Variants in CLEC16A observed in about 807,000 individuals in gnomAD.
CLEC16A encodes the protein protein CLEC16A.
A neutral mutation model predicts 109.5 loss-of-function variants in CLEC16A; 51 were observed. The observed-to-expected ratio is 0.47, with a 90% confidence interval of 0.37 to 0.59. The LOEUF (loss-of-function observed/expected upper bound fraction) is 0.59. CLEC16A is among the 20% of genes least tolerant of loss of function. The pLI is 0.00. For synonymous variants in CLEC16A, 673 were observed against 564.2 expected (o/e 1.19, Z -2.73); for missense variants, 1,339 against 1,394.0 (o/e 0.96, Z 0.63).
Position 10,977,413 on chromosome 16 carries a change from C to T in CLEC16A, c.903+14C>T, listed in dbSNP as rs74163606. 248 of 1,608,636 alleles carry T rather than the reference C, an allele frequency of 1.5e-4. No homozygotes were observed. The African/African-American group carries it at 1.6e-3, about 11-fold the overall frequency. The stretch of plus-strand genomic sequence containing the variant: ...AACCAGGACAAGGTGGGTCCAGCCC[C>T]GTGGCTCCCGCTGGCTGAAGGCCAT... On this transcript the variant is annotated intron_variant, in intron 8 of 23. Transcript: ENST00000409790.
chr16:10,963,675 A>G (rs2042363052), intron 3 of CLEC16A, among the ~76,000 whole-genome samples: 1 of 152,196 alleles, frequency 6.6e-6, no homozygotes, highest in African/African-American at 2.4e-5. Flanking sequence ...GTCATCCGTA[A>G]TAACCACCCC....
At position 10,982,733 on chromosome 16, in the gene CLEC16A, G is replaced by A; in HGVS notation, c.958-145G>A. 5 of 580,610 alleles carry A rather than the reference G, an allele frequency of 8.6e-6. No homozygotes were observed. In the Admixed American group the frequency reaches 1.1e-4, roughly 13 times the overall value. The allele number at this position is 580,610 out of a possible 1,614,324, so 36.0% of individuals were successfully genotyped here. A position where few individuals can be genotyped will look rare whatever the true frequency, so the allele number is the denominator to read the frequency against. On this transcript the variant is annotated intron_variant, in intron 9 of 23. Transcript: ENST00000409790. ...GTGGAACCGAGTCCTGCTTCCTGTG[G>A]CTCATTCTTTGAATTTTGCATCGTA...
At chr16:10,982,476 T>G (rs1409633899) in intron 9 of CLEC16A, among the ~76,000 whole-genome samples, 1 of 152,208 alleles carries the variant, frequency 6.6e-6, no homozygotes, top group Non-Finnish European at 1.5e-5. Context: ...CTTGTATCAC[T>G]AAAGTATTGG....
intron 10 of CLEC16A, among the ~76,000 whole-genome samples, chr16:10,989,210 T>C (rs1321005935): frequency 9.3e-6 from 1 of 107,278 alleles, no homozygotes; most frequent in Non-Finnish European, 2.0e-5. Context: ...AATACTGTTG[T>C]CGTTGTTTTT....
intron 19 of CLEC16A, among the ~76,000 whole-genome samples, chr16:11,082,892 G>C (rs568193707): frequency 6.6e-6 from 1 of 152,318 alleles, no homozygotes; most frequent in East Asian, 1.9e-4. Flanking sequence ...TGCATCAACA[G>C]CTTCTCCATC....
rs533728889 is a variant in CLEC16A at position 11,176,651 on chromosome 16, T to C, written c.2807-1684T>C. Reference sequence around the variant, plus strand: ...TACTCAGGAGGCCGAAGCAGGAGGATCACTTGAGTCCAGAAGGTTGAGGCT... The same window carrying C: ...TACTCAGGAGGCCGAAGCAGGAGGACCACTTGAGTCCAGAAGGTTGAGGCT... On this transcript the variant is annotated intron_variant, in intron 23 of 23. Coordinates refer to ENST00000409790, the MANE Select transcript of CLEC16A (RefSeq NM_015226.3). 9.9e-5 allele frequency among the ~76,000 whole-genome samples: 15 copies of C among 152,218 alleles called. No homozygotes were observed. In the East Asian group the frequency reaches 2.9e-3, roughly 29 times the overall value.
At chr16:11,145,299 C>A (rs1406804428) in intron 22 of CLEC16A, among the ~76,000 whole-genome samples, 3 of 152,172 alleles carry the variant, frequency 2.0e-5, no homozygotes, top group Non-Finnish European at 4.4e-5. Context: ...ACCCGTGGGG[C>A]CCGATGACCC....
At chr16:10,963,063 C>CA (rs922221719) in intron 3 of CLEC16A, among the ~76,000 whole-genome samples, 35 of 149,162 alleles carry the variant, frequency 2.3e-4, no homozygotes, top group African/African-American at 5.0e-5. Flanking sequence ...TCTCCAACAA[C>CA]AACAAAAAAA....
intron 11 of CLEC16A, among the ~76,000 whole-genome samples, chr16:11,003,970 C>CAA (rs962482634): frequency 2.8e-4 from 16 of 57,882 alleles, no homozygotes; most frequent in Admixed American, 3.3e-4. Context: ...CCTGTCTCTA[C>CAA]AAAAAAAAAA....
At chr16:11,003,955 G>A (rs761438639) in intron 11 of CLEC16A, among the ~76,000 whole-genome samples, 6 of 136,758 alleles carry the variant, frequency 4.4e-5, no homozygotes, top group Non-Finnish European at 7.6e-5. Flanking sequence ...CCAACATGAC[G>A]AGATCCTGTC....
At position 11,126,204 on chromosome 16, in the gene CLEC16A, C is replaced by A. The variant is rs1160005876; in HGVS notation, c.2641+58C>A. On this transcript the variant is annotated intron_variant, in intron 22 of 23. Transcript: ENST00000409790. Reference sequence around the variant, plus strand: ...GTTCATCATGGTGGGCGTTCAAGGTCTTTCTCTCTGTGGAGCCTGTGTGAG... The same window carrying A: ...GTTCATCATGGTGGGCGTTCAAGGTATTTCTCTCTGTGGAGCCTGTGTGAG... The A allele has an allele frequency of 7.5e-6, 12 of 1,606,532 alleles. 1 individual carries two copies. The highest frequency in any genetic ancestry group is 6.7e-5 in the African/African-American group (5 of 74,702).
intron 19 of CLEC16A, among the ~76,000 whole-genome samples, chr16:11,067,189 G>GTTTT (rs71406205): frequency 8.1e-5 from 8 of 98,916 alleles, no homozygotes; most frequent in African/African-American, 1.6e-4. Context: ...GTTTGTTTTT[G>GTTTT]TTTTTTTTTT....
Position 11,033,360 on chromosome 16 carries a change from A to G in CLEC16A, c.1538-6394A>G, listed in dbSNP as rs141970275. Among the ~76,000 whole-genome samples the G allele has an allele frequency of 2.3e-3, 350 of 152,298 alleles. 2 individuals carry two copies. The highest frequency in any genetic ancestry group is 8.7e-3 in the South Asian group (42 of 4,818). ...CCTGACTCCTTTCCCTGTGTGACCA[A>G]TAGTGCCATTTCCAGAACTAACAAG... On this transcript the variant is annotated intron_variant, in intron 13 of 23. Coordinates refer to ENST00000409790, the MANE Select transcript of CLEC16A (RefSeq NM_015226.3).
chr16:11,171,736 G>A (rs2068519752), intron 23 of CLEC16A, among the ~76,000 whole-genome samples: 1 of 152,164 alleles, frequency 6.6e-6, no homozygotes, highest in Admixed American at 6.5e-5. Context: ...ATATCTTCTG[G>A]TATACCACTG....
At chr16:11,147,623 A>T (rs1323771574) in intron 22 of CLEC16A, among the ~76,000 whole-genome samples, 1 of 152,240 alleles carries the variant, frequency 6.6e-6, no homozygotes. Context: ...GCACAACTCT[A>T]TGAATACACT....
intron 22 of CLEC16A, among the ~76,000 whole-genome samples, chr16:11,128,474 C>T (rs1047490572): frequency 7.2e-5 from 11 of 152,360 alleles, no homozygotes; most frequent in East Asian, 1.9e-4. Context: ...AACAGCAAGT[C>T]AGAGGTGGCT....
At chr16:11,077,909 A>C (rs1053184925) in intron 19 of CLEC16A, among the ~76,000 whole-genome samples, 3 of 151,422 alleles carry the variant, frequency 2.0e-5, no homozygotes, top group Non-Finnish European at 4.4e-5. Flanking sequence ...ACTTGAGGCT[A>C]GGAGTTATGA....
intron 3 of CLEC16A, 149 bp from the exon 4 acceptor site, chr16:10,969,012 A>T: frequency 1.7e-6 from 1 of 602,380 alleles, no homozygotes; most frequent in East Asian, 3.0e-5. Flanking sequence ...TTTGCTGGTT[A>T]AAAGTTAAGC....
intron 11 of CLEC16A, among the ~76,000 whole-genome samples, chr16:11,004,821 G>A (rs559500187): frequency 3.3e-5 from 5 of 151,992 alleles, no homozygotes; most frequent in African/African-American, 1.2e-4. Flanking sequence ...TCTGTTTAAA[G>A]TGTGCAATAG....
Sources: allele counts gnomAD v4.1 joint callset (sites outside exome capture counted in the v4.1 genomes callset), GRCh38; gene constraint gnomAD v4.1.1; transcripts MANE v1.5; gene names NCBI Gene and HGNC (gene_info 2026-07-23, HGNC 2026-07-21).